ERMP1: variants seen among roughly 807,000 people sequenced by gnomAD.
ERMP1 encodes the protein endoplasmic reticulum metallopeptidase 1, also known as Felix-ina.
ERMP1 carries 86 observed loss-of-function variants against 92.0 expected under a neutral mutation model. That is an observed-to-expected ratio of 0.93 (90% CI 0.79 to 1.12). The LOEUF is 1.12. Ranked by LOEUF, ERMP1 falls within the 50% of genes most tolerant of loss-of-function variation. The pLI, the probability that ERMP1 is intolerant of heterozygous loss-of-function variation, is 0.00. For synonymous variants in ERMP1, 530 were observed against 412.8 expected (o/e 1.28, Z -3.44); for missense variants, 1,342 against 1,116.3 (o/e 1.20, Z -2.88).
intron 6 of ERMP1, among the ~76,000 whole-genome samples, chr9:5,838,712 G>A (rs1419653185): frequency 6.6e-6 from 1 of 151,882 alleles, no homozygotes; most frequent in Non-Finnish European, 1.5e-5. Context: ...TACATTCAGA[G>A]TTTGGAACGT....
At chr9:5,802,904 T>G (rs1828724895) in intron 10 of ERMP1, among the ~76,000 whole-genome samples, 1 of 151,922 alleles carries the variant, frequency 6.6e-6, no homozygotes, top group South Asian at 2.1e-4. Context: ...GAACCTAGAG[T>G]GACACAGGAT....
At chr9:5,861,170 G>GTGTGTGTGTGTGTGTGT (rs1554630171) in intron 5 of ERMP1, among the ~76,000 whole-genome samples, 2 of 102,078 alleles carry the variant, frequency 2.0e-5, no homozygotes, top group African/African-American at 7.1e-5. Flanking sequence ...TGGCTTAGGG[G>GTGTGTGTGTGTGTGTGT]GTGTGTGTGT....
chr9:5,846,976 C>A (rs956566459), intron 6 of ERMP1, among the ~76,000 whole-genome samples: 3 of 152,186 alleles, frequency 2.0e-5, no homozygotes, highest in Admixed American at 6.5e-5. Context: ...AGGTTTCCCA[C>A]AGGGGTGCGA....
At chr9:5,788,153 A>G (rs181113635) in intron 13 of ERMP1, among the ~76,000 whole-genome samples, 91 of 152,298 alleles carry the variant, frequency 6.0e-4, no homozygotes, top group Non-Finnish European at 1.2e-3. Flanking sequence ...CTAAACAAAA[A>G]CACACCCTCA....
rs552124038 is a variant in ERMP1, at chr9:5,789,719, T to C, written c.2387-2126A>G. On this transcript the variant is annotated intron_variant, in intron 13 of 14. Coordinates refer to ENST00000339450, the MANE Select transcript of ERMP1 (RefSeq NM_024896.3). ...GCGTGAACACAGCAGCCCACTGCTC[T>C]ATCGCCTAGGCTGGAGTCCAGTGGC... Among the ~76,000 whole-genome samples, 152 of 152,236 alleles carry C rather than the reference T, an allele frequency of 1.0e-3. 1 individual carries two copies. The highest frequency in any genetic ancestry group is 3.5e-3 in the African/African-American group (146 of 41,592).
chr9:5,858,669 G>A (rs570374763), intron 6 of ERMP1, among the ~76,000 whole-genome samples: 1 of 152,186 alleles, frequency 6.6e-6, no homozygotes, highest in Non-Finnish European at 1.5e-5. Context: ...GTAAAAGTGT[G>A]GGGCAAGTGG....
At chr9:5,790,534 A>C (rs949233879) in intron 13 of ERMP1, among the ~76,000 whole-genome samples, 1 of 152,250 alleles carries the variant, frequency 6.6e-6, no homozygotes, top group Non-Finnish European at 1.5e-5. Flanking sequence ...CACATACTGT[A>C]TGTTTCCTGA....
At chr9:5,818,623 G>T (rs1045669270) in intron 4 of ERMP1, among the ~76,000 whole-genome samples, 6 of 151,796 alleles carry the variant, frequency 4.0e-5, no homozygotes, top group African/African-American at 1.5e-4. Flanking sequence ...GCTGAAGCAG[G>T]CAGATCACTT....
chr9:5,788,619 A>G (rs190813394), intron 13 of ERMP1, among the ~76,000 whole-genome samples: 112 of 152,336 alleles, frequency 7.4e-4, no homozygotes, highest in Non-Finnish European at 1.4e-3. Context: ...AAATCTTACA[A>G]AACAGCACAA....
intron 6 of ERMP1, among the ~76,000 whole-genome samples, chr9:5,856,584 C>T: frequency 6.6e-6 from 1 of 152,182 alleles, no homozygotes; most frequent in East Asian, 1.9e-4. Flanking sequence ...TTTAAGACAA[C>T]CCCTCCCCTT....
chr9:5,818,694 C>G (rs572612268), intron 4 of ERMP1, among the ~76,000 whole-genome samples: 2 of 145,842 alleles, frequency 1.4e-5, no homozygotes, highest in African/African-American at 5.1e-5. Context: ...GCCTGGGCAA[C>G]AAAGCAAGAT....
At chr9:5,801,479 C>G (rs990899261) in intron 10 of ERMP1, 151 bp from the exon 11 acceptor site, 3 of 629,656 alleles carry the variant, frequency 4.8e-6, no homozygotes, top group Non-Finnish European at 7.8e-6. Context: ...ATCTAGTAAA[C>G]AAAGCACTAA....
chr9:5,824,712 T>C (rs191509743), intron 3 of ERMP1, among the ~76,000 whole-genome samples: 65 of 152,242 alleles, frequency 4.3e-4, no homozygotes, highest in African/African-American at 1.4e-3. Flanking sequence ...CCTTCTCTTT[T>C]TAAAAAGAAA....
intron 10 of ERMP1, among the ~76,000 whole-genome samples, chr9:5,803,590 G>A (rs1004390293): frequency 2.6e-5 from 4 of 151,832 alleles, no homozygotes; most frequent in Admixed American, 1.3e-4. Context: ...ACAAATAAAC[G>A]GGGGTGTGGG....
Position 5,830,634 on chromosome 9 carries a change from A to C in ERMP1, c.640+93T>G, listed in dbSNP as rs369727873. Reference sequence around the variant, plus strand: ...AAAGAAAAAAGGTTTGCCCAAGAAAATGGTCCCCACAATTGCCCAAGTAGC... The same window carrying C: ...AAAGAAAAAAGGTTTGCCCAAGAAACTGGTCCCCACAATTGCCCAAGTAGC... On this transcript the variant is annotated intron_variant, in intron 2 of 14. Coordinates refer to ENST00000339450, the MANE Select transcript of ERMP1 (RefSeq NM_024896.3). 2.3e-4 allele frequency: 220 copies of C among 950,462 alleles called. No homozygotes were observed. The South Asian group carries it at 3.5e-3, about 15-fold the overall frequency. The allele number at this position is 950,462 out of a possible 1,614,324, so 58.9% of individuals were successfully genotyped here.
upstream of ERMP1, among the ~76,000 whole-genome samples, chr9:5,836,352 T>G (rs1305201995): frequency 6.6e-6 from 1 of 152,186 alleles, no homozygotes; most frequent in Non-Finnish European, 1.5e-5. Context: ...GAAGGATGCC[T>G]TTTACATGAT....
chr9:5,863,743 T>C (rs1830569419), intron 5 of ERMP1, among the ~76,000 whole-genome samples: 1 of 152,242 alleles, frequency 6.6e-6, no homozygotes, highest in Non-Finnish European at 1.5e-5. Flanking sequence ...AGAAGCTACA[T>C]GTATTCATCA....
Position 5,821,268 on chromosome 9 carries a change from T to C in ERMP1, c.874+2628A>G, listed in dbSNP as rs536758292. Among the ~76,000 whole-genome samples the C allele has an allele frequency of 9.8e-5, 15 of 152,356 alleles. No individual in the cohort carries two copies. In the East Asian group the frequency reaches 2.7e-3, roughly 27 times the overall value. On this transcript the variant is annotated intron_variant, in intron 4 of 14. Coordinates refer to ENST00000339450, the MANE Select transcript of ERMP1 (RefSeq NM_024896.3). ...ACAATCAATTCTGGTCTTAAATTCA[T>C]GAAGCAACAGAGAATTTAAACTGTT...
intron 5 of ERMP1, among the ~76,000 whole-genome samples, chr9:5,860,612 A>AT (rs35003433): frequency 0.39 from 52,955 of 135,576 alleles, 9,812 homozygotes; most frequent in East Asian, 0.55. Context: ...TCAGTCCACA[A>AT]TTTTTTTTTT....
Sources: gnomAD v4.1 joint callset for allele counts (sites outside exome capture counted in the v4.1 genomes callset) on GRCh38, gnomAD v4.1.1 for gene constraint, MANE v1.5 for transcripts, NCBI Gene and HGNC (gene_info 2026-07-23, HGNC 2026-07-21) for gene names.